Variants in CAMK2B observed in about 807,000 individuals in gnomAD.
CAMK2B encodes the protein calcium/calmodulin dependent protein kinase II beta.
Under a neutral mutation model 93.7 loss-of-function variants are expected in CAMK2B, and 27 were observed. That is an observed-to-expected ratio of 0.29 (90% CI 0.21 to 0.40). The LOEUF is 0.40. Among genes scored for constraint, CAMK2B ranks in the 10% least tolerant of loss-of-function variants. The pLI, the probability that CAMK2B is intolerant of heterozygous loss-of-function variation, is 1.00. For synonymous variants in CAMK2B, 374 were observed against 358.8 expected (o/e 1.04, Z -0.48); for missense variants, 568 against 895.8 (o/e 0.63, Z 4.67).
intron 1 of CAMK2B, among the ~76,000 whole-genome samples, chr7:44,292,592 CCTTT>C (rs1787164810): frequency 6.6e-6 from 1 of 152,220 alleles, no homozygotes; most frequent in African/African-American, 2.4e-5. Context: ...TTCCTTCCTT[CCTTT>C]CTTTAACTGC....
At chr7:44,222,891 GT>G (rs2096429335) in intron 20 of CAMK2B, among the ~76,000 whole-genome samples, 1 of 152,218 alleles carries the variant, frequency 6.6e-6, no homozygotes, top group Non-Finnish European at 1.5e-5. Context: ...GCTCATGCAT[GT>G]GTGTGGGGCA....
intron 20 of CAMK2B, among the ~76,000 whole-genome samples, chr7:44,223,219 C>T (rs534270892): frequency 6.6e-6 from 1 of 152,292 alleles, no homozygotes; most frequent in South Asian, 2.1e-4. Flanking sequence ...GGCACATGTG[C>T]ACTCTTGGGT....
intron 6 of CAMK2B, among the ~76,000 whole-genome samples, chr7:44,244,615 G>A (rs766708512): frequency 7.9e-4 from 120 of 152,046 alleles, no homozygotes; most frequent in Admixed American, 1.6e-3. Flanking sequence ...TTGATGAGCC[G>A]CCCAAAGAGA....
chr7:44,219,577 C>T (rs2096372575), intron 23 of CAMK2B, 55 bp from the exon 24 acceptor site: 3 of 157,186 alleles, frequency 1.9e-5, no homozygotes, highest in Admixed American at 1.3e-4. Context: ...CATCCACCCC[C>T]AGGCTCTGCT....
At chr7:44,267,875 G>A (rs1000328461) in intron 2 of CAMK2B, 2 of 152,230 alleles carry the variant, frequency 1.3e-5, no homozygotes, top group African/African-American at 2.4e-5. Flanking sequence ...ATGATAGTGC[G>A]ACATCCTCAG....
At chr7:44,226,027 C>T (rs892438030) in intron 20 of CAMK2B, 3 of 734,290 alleles carry the variant, frequency 4.1e-6, no homozygotes, top group Non-Finnish European at 5.8e-6. Flanking sequence ...AGCTGCCCCC[C>T]AGATCCGCGC....
At position 44,238,648 on chromosome 7, in the gene CAMK2B, G is replaced by C. The variant is rs545486587; in HGVS notation, c.1021+941C>G. On this transcript the variant is annotated intron_variant, in intron 13 of 23. Coordinates refer to ENST00000395749, the MANE Select transcript of CAMK2B (RefSeq NM_001220.5). ...CACCCTGTGGGTCATGAGGAGGCCT[G>C]GGGAAGGCAGTCTCCAGCACCCTGG... Among the ~76,000 whole-genome samples the C allele has an allele frequency of 5.3e-3, 802 of 152,334 alleles. 1 individual carries two copies. Among genetic ancestry groups the C allele is most frequent in the Non-Finnish European group, 7.7e-3 (525 of 68,020 alleles).
At chr7:44,314,752 G>C (rs1184983435) in intron 1 of CAMK2B, among the ~76,000 whole-genome samples, 1 of 152,174 alleles carries the variant, frequency 6.6e-6, no homozygotes, top group African/African-American at 2.4e-5. Flanking sequence ...ACCAACACTT[G>C]CTATTATCTG....
rs756706948 is a variant in CAMK2B, at chr7:44,226,628, G to A, written c.1485C>T (p.Asp495=). The A allele has an allele frequency of 3.9e-6, 6 of 1,536,794 alleles. No homozygotes were observed. The highest frequency in any genetic ancestry group is 5.2e-6 in the Non-Finnish European group (6 of 1,150,270). ...PLSSPSPRIS[D]ILNSVRRGSG... ...AGCCCCTCCTCACAGAGTTCAGGAT[G>A]TCAGAGATCCTGGGGGCTGGGGCGG... Residue 495 remains aspartate (D), a synonymous_variant, in exon 20 of 24, where the codon GAC becomes GAT. Coordinates refer to ENST00000395749, the MANE Select transcript of CAMK2B (RefSeq NM_001220.5).
At chr7:44,233,332 C>T (rs998126192) in intron 15 of CAMK2B, among the ~76,000 whole-genome samples, 7 of 152,232 alleles carry the variant, frequency 4.6e-5, no homozygotes, top group African/African-American at 1.2e-4. Context: ...GAGGCTGGCA[C>T]GTGGGCTGCC....
chr7:44,237,526 C>T (rs538322547), intron 13 of CAMK2B, among the ~76,000 whole-genome samples: 4 of 152,210 alleles, frequency 2.6e-5, no homozygotes, highest in African/African-American at 7.2e-5. Context: ...CGCTTGTGCA[C>T]GCCTTGGGCG....
chr7:44,273,027 C>A (rs532127068), intron 2 of CAMK2B, among the ~76,000 whole-genome samples: 1 of 152,334 alleles, frequency 6.6e-6, no homozygotes, highest in East Asian at 1.9e-4. Context: ...CAGGAAGGCC[C>A]TGAACAGCCT....
intron 3 of CAMK2B, among the ~76,000 whole-genome samples, chr7:44,260,050 T>C (rs868460024): frequency 6.6e-6 from 1 of 152,174 alleles, no homozygotes; most frequent in African/African-American, 2.4e-5. Flanking sequence ...ACCAGCCTTA[T>C]TCCCTCCAGT....
intron 2 of CAMK2B, among the ~76,000 whole-genome samples, chr7:44,278,640 G>A (rs1261535413): frequency 6.6e-6 from 1 of 152,220 alleles, no homozygotes; most frequent in East Asian, 1.9e-4. Context: ...GCAGGATTCT[G>A]CCTGCAGAAG....
chr7:44,261,110 C>A (rs2096875782), intron 3 of CAMK2B, among the ~76,000 whole-genome samples: 1 of 152,254 alleles, frequency 6.6e-6, no homozygotes, highest in Admixed American at 6.5e-5. Flanking sequence ...GGCTCCCATT[C>A]TACCCAGGCT....
intron 2 of CAMK2B, among the ~76,000 whole-genome samples, chr7:44,277,356 A>G (rs1217202699): frequency 6.6e-6 from 1 of 152,218 alleles, no homozygotes; most frequent in Non-Finnish European, 1.5e-5. Flanking sequence ...TTAATTAAGT[A>G]TTAAATATTA....
chr7:44,285,042 T>C (rs1333223905), intron 1 of CAMK2B, among the ~76,000 whole-genome samples: 1 of 151,956 alleles, frequency 6.6e-6, no homozygotes, highest in Non-Finnish European at 1.5e-5. Context: ...GAAGAGGCCA[T>C]GAACGTACCC....
chr7:44,306,052 G>C (rs1247399097), intron 1 of CAMK2B, among the ~76,000 whole-genome samples: 1 of 152,130 alleles, frequency 6.6e-6, no homozygotes, highest in Non-Finnish European at 1.5e-5. Flanking sequence ...CAGAGGGAGG[G>C]GGGTTGAGGG....
In CAMK2B at chr7:44,271,044, C is replaced by T. The variant is rs78923453; in HGVS notation, c.161-7980G>A. ...AGTGATTCTCCCATGTCAGCCTCTC[C>T]AGTAGCTGGGATTACAGGTATGCGC... On this transcript the variant is annotated intron_variant, in intron 2 of 23. Coordinates refer to ENST00000395749, the MANE Select transcript of CAMK2B (RefSeq NM_001220.5). This position sits in a 1 kb window ranked among gnomAD's most constrained non-coding sequence, Gnocchi z 4.2. Among the ~76,000 whole-genome samples, 84 of 152,180 alleles carry T rather than the reference C, an allele frequency of 5.5e-4. 3 individuals are homozygous for T. In the East Asian group the frequency reaches 0.014, roughly 25 times the overall value.
Sources: gnomAD v4.1 joint callset for allele counts (sites outside exome capture counted in the v4.1 genomes callset) on GRCh38, gnomAD v4.1.1 for gene constraint, Gnocchi (gnomAD v3.1) non-coding constraint, MANE v1.5 for transcripts, NCBI Gene and HGNC (gene_info 2026-07-23, HGNC 2026-07-21) for gene names.